The following CCSER1 variants were observed in gnomAD, a reference collection of about 807,000 sequenced individuals.
CCSER1 encodes the protein coiled-coil serine rich protein 1, also known as serine-rich coiled-coil domain-containing protein 1.
Under a neutral mutation model 82.0 loss-of-function variants are expected in CCSER1, and 41 were observed. The ratio of observed to expected loss-of-function variants is 0.50; its 90% CI spans 0.39 to 0.65. The LOEUF (loss-of-function observed/expected upper bound fraction) is 0.65. Among genes scored for constraint, CCSER1 ranks in the 30% least tolerant of loss-of-function variants. CCSER1 has a pLI of 0.00. For missense variants in CCSER1, 1,119 were observed against 1,064.2 expected, an observed-to-expected ratio of 1.05 and a Z score of -0.72; for synonymous variants, 414 against 383.9, an observed-to-expected ratio of 1.08 and a Z score of -0.92.
intron 7 of CCSER1, among the ~76,000 whole-genome samples, chr4:90,788,453 G>T (rs547323969): frequency 1.6e-4 from 25 of 152,258 alleles, no homozygotes; most frequent in Non-Finnish European, 2.6e-4. Context: ...ATCCTTTAAA[G>T]GTGCTAGGGA....
chr4:90,936,875 G>A (rs564147777), intron 9 of CCSER1, among the ~76,000 whole-genome samples: 52 of 151,954 alleles, frequency 3.4e-4, no homozygotes, highest in East Asian at 2.1e-3. Context: ...TAGTAATAAC[G>A]TATCTGCATC....
intron 7 of CCSER1, chr4:90,781,172 C>G: frequency 1.5e-6 from 1 of 688,266 alleles, no homozygotes; most frequent in Non-Finnish European, 1.8e-6. Flanking sequence ...GCCCCACCTC[C>G]AGCACTGGGG....
At chr4:91,178,277 T>C (rs1158563495) in intron 10 of CCSER1, among the ~76,000 whole-genome samples, 2 of 152,186 alleles carry the variant, frequency 1.3e-5, no homozygotes, top group Non-Finnish European at 2.9e-5. Context: ...CTGAGAAGAA[T>C]GTAGATTCTG....
chr4:90,705,906 G>T (rs146920390), intron 6 of CCSER1, among the ~76,000 whole-genome samples: 8,739 of 152,272 alleles, frequency 0.057, 354 homozygotes, highest in Admixed American at 0.11. Context: ...GGAATTCCCT[G>T]ACCCCTTGCA....
chr4:90,517,958 T>G (rs1772518973), intron 5 of CCSER1, among the ~76,000 whole-genome samples: 1 of 152,070 alleles, frequency 6.6e-6, no homozygotes. Flanking sequence ...TAAATACTTG[T>G]GGAAGTCAAC....
At chr4:90,238,887 G>T (rs1356882137) in intron 1 of CCSER1, among the ~76,000 whole-genome samples, 2 of 150,670 alleles carry the variant, frequency 1.3e-5, no homozygotes, top group Admixed American at 1.3e-4. Context: ...GTCTCACTTT[G>T]TTGCCCAGGC....
intron 10 of CCSER1, chr4:91,325,154 G>T (rs1378841468): frequency 2.2e-6 from 1 of 455,934 alleles, no homozygotes; most frequent in Non-Finnish European, 4.4e-6. Context: ...GTTAGCAGTG[G>T]TCCTCTTTTT....
intron 10 of CCSER1, among the ~76,000 whole-genome samples, chr4:91,172,405 T>C (rs1191962030): frequency 6.6e-6 from 1 of 152,152 alleles, no homozygotes; most frequent in Non-Finnish European, 1.5e-5. Flanking sequence ...GGCAACAACA[T>C]GAGTGAAGGC....
chr4:90,956,819 T>C (rs1049847221), intron 9 of CCSER1, among the ~76,000 whole-genome samples: 3 of 150,856 alleles, frequency 2.0e-5, no homozygotes, highest in Non-Finnish European at 3.0e-5. Flanking sequence ...TCACCCAGGC[T>C]GGAGTGCAGT....
intron 10 of CCSER1, among the ~76,000 whole-genome samples, chr4:91,295,407 A>G (rs892133278): frequency 2.6e-5 from 4 of 152,048 alleles, no homozygotes; most frequent in African/African-American, 9.6e-5. Context: ...AATTTTTACT[A>G]CAGTTAGTCT....
intron 8 of CCSER1, among the ~76,000 whole-genome samples, chr4:90,850,424 G>T (rs1763736329): frequency 6.6e-6 from 1 of 152,212 alleles, no homozygotes; most frequent in Non-Finnish European, 1.5e-5. Flanking sequence ...CTCAACCCCA[G>T]CTGTGAAACC....
At chr4:91,379,872 T>C (rs1335576845) in intron 10 of CCSER1, among the ~76,000 whole-genome samples, 1 of 152,206 alleles carries the variant, frequency 6.6e-6, no homozygotes, top group African/African-American at 2.4e-5. Context: ...CTGCTTTCTC[T>C]TGTGGGCATT....
chr4:90,564,698 T>TTTTA (rs879294651), intron 5 of CCSER1, among the ~76,000 whole-genome samples: 17 of 151,970 alleles, frequency 1.1e-4, no homozygotes, highest in African/African-American at 3.9e-4. Flanking sequence ...TTTTTTTTTT[T>TTTTA]AATATGGTGT....
At chr4:91,461,733 A>G (rs926540393) in intron 10 of CCSER1, among the ~76,000 whole-genome samples, 1 of 152,122 alleles carries the variant, frequency 6.6e-6, no homozygotes, top group African/African-American at 2.4e-5. Context: ...TAGTTTGTTT[A>G]TTCCTGGGTT....
rs555220940 is a variant in CCSER1 at position 91,601,876 on chromosome 4, T to C, written c.*2819T>C. On this transcript the variant is annotated 3_prime_UTR_variant, in exon 11 of 11. Coordinates refer to ENST00000509176, the MANE Select transcript of CCSER1 (RefSeq NM_001145065.2). ...AAAGCTGTTTCCACCTGAAATAAAC[T>C]GTTCCCATTTTTATAATTATTGGAA... The C allele has an allele frequency of 6.6e-6, 1 of 152,248 alleles. No homozygotes were observed. The highest frequency in any genetic ancestry group is 2.4e-5 in the African/African-American group (1 of 41,592). 9.4% of individuals were successfully genotyped at this position (152,248 alleles called of 1,614,324 possible). A position where few individuals can be genotyped will look rare whatever the true frequency, so the allele number is the denominator to read the frequency against.
intron 5 of CCSER1, among the ~76,000 whole-genome samples, chr4:90,493,854 C>G (rs1015418215): frequency 6.6e-6 from 1 of 152,312 alleles, no homozygotes; most frequent in South Asian, 2.1e-4. Context: ...GAAACTGCCT[C>G]AGCTAATGAG....
At chr4:91,581,862 A>G (rs371495534) in intron 10 of CCSER1, among the ~76,000 whole-genome samples, 1 of 143,780 alleles carries the variant, frequency 7.0e-6, no homozygotes, top group African/African-American at 2.4e-5. Flanking sequence ...CACCCCCCTC[A>G]TTAATAACAT....
chr4:90,825,145 T>C (rs903944027), intron 8 of CCSER1, among the ~76,000 whole-genome samples: 1 of 152,234 alleles, frequency 6.6e-6, no homozygotes, highest in Non-Finnish European at 1.5e-5. Flanking sequence ...GTTGTTATAT[T>C]GCAGTACAGC....
chr4:90,845,379 A>AT (rs1381904252), intron 8 of CCSER1, among the ~76,000 whole-genome samples: 1,522 of 151,358 alleles, frequency 0.01, 21 homozygotes, highest in African/African-American at 0.036. Context: ...AAAAAAAAAA[A>AT]AGAATATTTG....
Sources: gnomAD v4.1 joint callset for allele counts (sites outside exome capture counted in the v4.1 genomes callset) on GRCh38, gnomAD v4.1.1 for gene constraint, MANE v1.5 for transcripts, NCBI Gene and HGNC (gene_info 2026-07-23, HGNC 2026-07-21) for gene names.